NLGN1: variants seen among roughly 807,000 people sequenced by gnomAD.
NLGN1 encodes the protein neuroligin-1.
A neutral mutation model predicts 65.5 loss-of-function variants in NLGN1; 12 were observed. The ratio of observed to expected loss-of-function variants is 0.18; its 90% CI spans 0.12 to 0.30. The LOEUF (loss-of-function observed/expected upper bound fraction) is 0.30, where lower values mean the gene tolerates loss of function less well. NLGN1 is among the 10% of genes least tolerant of loss of function. The pLI, the probability that NLGN1 is intolerant of heterozygous loss-of-function variation, is 1.00. For synonymous variants in NLGN1, 350 were observed against 359.5 expected, an observed-to-expected ratio of 0.97 and a Z score of 0.30; for missense variants, 750 against 1,007.1, an observed-to-expected ratio of 0.74 and a Z score of 3.46.
In NLGN1 at chr3:173,465,168, C is replaced by T. The variant is rs78162434; in HGVS notation, c.-321+30090C>T. ...CTTGTTCAATTAACTGGCCTGCTGC[C>T]ATGCTTGCAGGGTGCTGTGTCCTGC... is the stretch of plus-strand genomic sequence containing the variant. On this transcript the variant is annotated intron_variant, in intron 2 of 6. Coordinates refer to ENST00000457714, the Ensembl canonical transcript of NLGN1. 4.3e-3 allele frequency among the ~76,000 whole-genome samples: 661 copies of T among 152,312 alleles called. 25 individuals are homozygous for T. In the South Asian group the frequency reaches 0.083, roughly 19 times the overall value.
intron 2 of NLGN1, among the ~76,000 whole-genome samples, chr3:173,451,094 A>G (rs550784462): frequency 1.4e-4 from 21 of 151,992 alleles, no homozygotes; most frequent in Admixed American, 4.6e-4. Flanking sequence ...GCTTTGTTCC[A>G]TTGCTGGTGA....
At chr3:174,240,374 A>G (rs192843277) in intron 4 of NLGN1, among the ~76,000 whole-genome samples, 1 of 152,188 alleles carries the variant, frequency 6.6e-6, no homozygotes, top group Non-Finnish European at 1.5e-5. Flanking sequence ...AATAAAATGT[A>G]ATATGGAAGA....
chr3:174,184,073 TA>T (rs1402525145), intron 4 of NLGN1, among the ~76,000 whole-genome samples: 1 of 152,170 alleles, frequency 6.6e-6, no homozygotes, highest in Non-Finnish European at 1.5e-5. Flanking sequence ...GGTCATTTGG[TA>T]AAAGAGAAGG....
intron 1 of NLGN1, among the ~76,000 whole-genome samples, chr3:173,433,015 GT>G (rs1250626043): frequency 3.3e-5 from 5 of 151,990 alleles, no homozygotes; most frequent in Admixed American, 6.6e-5. Flanking sequence ...AAAATAATGA[GT>G]TTGCACTAAT....
At chr3:173,901,529 C>G (rs1432574544) in intron 4 of NLGN1, among the ~76,000 whole-genome samples, 1 of 151,692 alleles carries the variant, frequency 6.6e-6, no homozygotes, top group Non-Finnish European at 1.5e-5. Context: ...TTTGCTTATT[C>G]AGGGTATGCA....
intron 4 of NLGN1, among the ~76,000 whole-genome samples, chr3:173,939,882 A>G (rs1184167610): frequency 6.6e-6 from 1 of 152,082 alleles, no homozygotes; most frequent in African/African-American, 2.4e-5. Flanking sequence ...GTTGAATGAC[A>G]TTAGTTTAGG....
chr3:173,432,927 C>T (rs1423668561), intron 1 of NLGN1, among the ~76,000 whole-genome samples: 2 of 152,110 alleles, frequency 1.3e-5, no homozygotes, highest in African/African-American at 2.4e-5. Context: ...CCCCCAGGCT[C>T]TCTCAGTGGA....
In NLGN1 at chr3:174,064,546, A is replaced by G. The variant is rs544231933; in HGVS notation, c.647-210769A>G. Among the ~76,000 whole-genome samples, 4 of 150,872 alleles carry G rather than the reference A, an allele frequency of 2.7e-5. No homozygotes were observed. In the East Asian group the frequency reaches 7.8e-4, roughly 29 times the overall value. ...TTAGTTTCAAATGAATTTAATTACA[A>G]TGCTTATTAATTACATTAATATTAA... On this transcript the variant is annotated intron_variant, in intron 4 of 6. Coordinates refer to ENST00000457714, the Ensembl canonical transcript of NLGN1.
At chr3:173,457,329 G>C (rs1722667451) in intron 2 of NLGN1, among the ~76,000 whole-genome samples, 1 of 152,116 alleles carries the variant, frequency 6.6e-6, no homozygotes, top group Non-Finnish European at 1.5e-5. Flanking sequence ...CACAGTTGCT[G>C]CATGTGGTTG....
chr3:173,691,007 G>T (rs1715574089), intron 3 of NLGN1, among the ~76,000 whole-genome samples: 1 of 152,142 alleles, frequency 6.6e-6, no homozygotes, highest in African/African-American at 2.4e-5. Flanking sequence ...ATATTAAGTT[G>T]ATATACCTGA....
intron 4 of NLGN1, among the ~76,000 whole-genome samples, chr3:174,209,353 A>G (rs1736015611): frequency 6.6e-6 from 1 of 152,152 alleles, no homozygotes; most frequent in Non-Finnish European, 1.5e-5. Context: ...TGCATTATAT[A>G]CACTTTAGAT....
chr3:173,396,844 T>G (rs557121779), upstream of NLGN1: 1 of 152,330 alleles, frequency 6.6e-6, no homozygotes, highest in Non-Finnish European at 1.5e-5. Flanking sequence ...TCAACCCTTT[T>G]CCAATCCCAT....
At chr3:173,726,940 C>CAAA (rs5854531) in intron 3 of NLGN1, among the ~76,000 whole-genome samples, 12 of 134,096 alleles carry the variant, frequency 8.9e-5, no homozygotes, top group African/African-American at 3.4e-4. Context: ...ATTTCCTTAC[C>CAAA]AAAAAAAAAA....
At chr3:174,288,706 G>T (rs1277158839), downstream of NLGN1, among the ~76,000 whole-genome samples, 1 of 151,272 alleles carries the variant, frequency 6.6e-6, no homozygotes, top group Non-Finnish European at 1.5e-5. Context: ...TAATGTCTAG[G>T]ATTGACCATA....
At chr3:173,860,575 G>C (rs1728854580) in intron 4 of NLGN1, among the ~76,000 whole-genome samples, 1 of 152,136 alleles carries the variant, frequency 6.6e-6, no homozygotes, top group Admixed American at 6.5e-5. Flanking sequence ...AAAAATGAGT[G>C]TCATCAGTAA....
At chr3:173,827,118 G>A (rs1250577149) in intron 4 of NLGN1, among the ~76,000 whole-genome samples, 6 of 152,012 alleles carry the variant, frequency 3.9e-5, no homozygotes, top group South Asian at 2.1e-4. Flanking sequence ...CTGATCTGGG[G>A]ACAGAACGTT....
At chr3:173,688,281 A>G (rs1275309853) in intron 3 of NLGN1, among the ~76,000 whole-genome samples, 1 of 152,216 alleles carries the variant, frequency 6.6e-6, no homozygotes, top group Non-Finnish European at 1.5e-5. Context: ...AAATAGTGAC[A>G]CAAGGATTTG....
intron 4 of NLGN1, among the ~76,000 whole-genome samples, chr3:174,007,081 TAA>T (rs1724580627): frequency 6.6e-6 from 1 of 151,410 alleles, no homozygotes; most frequent in South Asian, 2.1e-4. Context: ...AATAAAAAAA[TAA>T]AAAGACAAGA....
At chr3:174,148,946 T>G (rs1723839728) in intron 4 of NLGN1, among the ~76,000 whole-genome samples, 1 of 152,208 alleles carries the variant, frequency 6.6e-6, no homozygotes, top group African/African-American at 2.4e-5. Flanking sequence ...ATTCAAAACC[T>G]GTTAACAATA....
Sources: gnomAD v4.1 joint callset for allele counts (sites outside exome capture counted in the v4.1 genomes callset) on GRCh38, gnomAD v4.1.1 for gene constraint, MANE v1.5 for transcripts, NCBI Gene and HGNC (gene_info 2026-07-23, HGNC 2026-07-21) for gene names.